The following NNT variants were observed in gnomAD, a reference collection of about 807,000 sequenced individuals.
NNT encodes the protein nicotinamide nucleotide transhydrogenase.
NNT carries 50 observed loss-of-function variants against 104.8 expected under a neutral mutation model. The ratio of observed to expected loss-of-function variants is 0.48; its 90% CI spans 0.38 to 0.60. NNT has a LOEUF of 0.60. NNT is among the 20% of genes least tolerant of loss of function. The pLI, the probability that NNT is intolerant of heterozygous loss-of-function variation, is 0.00. For missense variants in NNT, 1,131 were observed against 1,330.7 expected (o/e 0.85, Z 2.33); for synonymous variants, 461 against 490.4 (o/e 0.94, Z 0.79).
upstream of NNT, chr5:43,603,083 G>C (rs1235069599): frequency 6.5e-6 from 1 of 152,754 alleles, no homozygotes. Context: ...TCGGGTGGAG[G>C]GGGCCTGGCG....
rs746651421 is a variant in NNT at position 43,645,532 on chromosome 5, G to T, written c.1444+22G>T. On this transcript the variant is annotated intron_variant, in intron 10 of 21. Transcript: ENST00000344920. The stretch of plus-strand genomic sequence containing the variant: ...GCAGGTGAGGATACCATTTACCAGG[G>T]TTTAGTCTTGATTGTTTGATTTTGC... 1.1e-5 allele frequency: 16 copies of T among 1,442,154 alleles called. No homozygotes were observed. In the African/African-American group the frequency reaches 2.4e-4, roughly 21 times the overall value. 89.3% of individuals were successfully genotyped at this position (1,442,154 alleles called of 1,614,324 possible).
intron 16 of NNT, among the ~76,000 whole-genome samples, chr5:43,657,520 A>G (rs1036367203): frequency 6.6e-6 from 1 of 152,152 alleles, no homozygotes; most frequent in Non-Finnish European, 1.5e-5. Context: ...AGTTAAAAAA[A>G]TTATCTACAG....
At chr5:43,610,201 CTTTTTTTT>C (rs3054076) in intron 2 of NNT, among the ~76,000 whole-genome samples, 2 of 126,124 alleles carry the variant, frequency 1.6e-5, no homozygotes, top group South Asian at 2.7e-4. Context: ...AACTGTCTGT[CTTTTTTTT>C]TTTTTTTTTT....
intron 10 of NNT, among the ~76,000 whole-genome samples, chr5:43,648,940 G>C (rs554819333): frequency 6.6e-6 from 1 of 152,158 alleles, no homozygotes; most frequent in South Asian, 2.1e-4. Flanking sequence ...CTTATTTTGG[G>C]GGGGTGGTCA....
intron 17 of NNT, among the ~76,000 whole-genome samples, chr5:43,662,335 C>A (rs898143209): frequency 6.6e-6 from 1 of 152,116 alleles, no homozygotes; most frequent in South Asian, 2.1e-4. Context: ...GTACTCTCTT[C>A]TACGTGTTCT....
chr5:43,607,085 C>G (rs13187313), intron 1 of NNT, among the ~76,000 whole-genome samples: 5,185 of 151,808 alleles, frequency 0.034, 137 homozygotes, highest in East Asian at 0.13. Context: ...CTCACTGCAA[C>G]CTTTGCCTCC....
At position 43,650,549 on chromosome 5, in the gene NNT, C is replaced by T; in HGVS notation, c.1679C>T (p.Ala560Val). The change falls in exon 12 of 22, where the codon GCT (alanine) becomes GTT (valine). Residue 560 changes from alanine (A) to valine (V), a missense_variant. Coordinates refer to ENST00000344920, the MANE Select transcript of NNT (RefSeq NM_182977.3). ...CCTTCCACAACTTCTCAGGGCCTTGCTGCTCTTGCTGCATTCATATCCTCT... is the reference window on the plus strand; with the variant it reads ...CCTTCCACAACTTCTCAGGGCCTTGTTGCTCTTGCTGCATTCATATCCTCT... ...LYPSTTSQGL[A>V]ALAAFISSVN... 6.2e-7 allele frequency: 1 copy of T among 1,614,092 alleles called. No homozygotes were observed. Among genetic ancestry groups the T allele is most frequent in the Non-Finnish European group, 8.5e-7 (1 of 1,179,966 alleles).
intron 14 of NNT, among the ~76,000 whole-genome samples, chr5:43,655,391 A>G (rs1281713207): frequency 2.6e-5 from 4 of 152,216 alleles, no homozygotes; most frequent in Admixed American, 2.6e-4. Flanking sequence ...CCAAAATCCA[A>G]AACTTTTTGA....
At chr5:43,697,783 G>A (rs1415151967) in intron 19 of NNT, among the ~76,000 whole-genome samples, 1 of 152,160 alleles carries the variant, frequency 6.6e-6, no homozygotes, top group African/African-American at 2.4e-5. Flanking sequence ...GGCAAAAAAA[G>A]GAGAGCTTGT....
At chr5:43,626,527 C>T (rs968710882) in intron 6 of NNT, among the ~76,000 whole-genome samples, 4 of 151,948 alleles carry the variant, frequency 2.6e-5, no homozygotes, top group African/African-American at 7.2e-5. Flanking sequence ...ATTTTAAATG[C>T]TAATATGTTA....
intron 19 of NNT, among the ~76,000 whole-genome samples, chr5:43,685,209 A>G (rs1363960415): frequency 1.3e-5 from 2 of 152,170 alleles, no homozygotes; most frequent in Non-Finnish European, 2.9e-5. Context: ...TTAACAAATG[A>G]GCCTTCTTTT....
chr5:43,690,333 G>A (rs1482997965), intron 19 of NNT, among the ~76,000 whole-genome samples: 1 of 152,046 alleles, frequency 6.6e-6, no homozygotes, highest in Non-Finnish European at 1.5e-5. Context: ...ATTTGTGGTA[G>A]TTTGTTACAG....
chr5:43,628,557 TTAA>T (rs1389711373), intron 7 of NNT, among the ~76,000 whole-genome samples, 170 bp downstream of exon 7: 1 of 152,098 alleles, frequency 6.6e-6, no homozygotes, highest in African/African-American at 2.4e-5. Flanking sequence ...TTCATAGTCA[TTAA>T]TAATTTCCTT....
intron 21 of NNT, 78 bp downstream of exon 21, chr5:43,702,814 T>G (rs1029721831): frequency 8.5e-6 from 9 of 1,063,818 alleles, no homozygotes; most frequent in Non-Finnish European, 1.2e-5. Context: ...CTTTGATCAT[T>G]TGATAAGAAA....
chr5:43,666,173 T>A (rs967505793), intron 17 of NNT, among the ~76,000 whole-genome samples: 4 of 151,878 alleles, frequency 2.6e-5, no homozygotes, highest in African/African-American at 9.7e-5. Flanking sequence ...GAGACACTCC[T>A]CACTTCCTAG....
At chr5:43,618,215 T>C (rs1203311351) in intron 4 of NNT, among the ~76,000 whole-genome samples, 2 of 152,260 alleles carry the variant, frequency 1.3e-5, no homozygotes, top group South Asian at 2.1e-4. Flanking sequence ...ACAGGCTTTA[T>C]GCGAAGTGTT....
intron 5 of NNT, among the ~76,000 whole-genome samples, chr5:43,622,441 AT>A (rs1304599034): frequency 6.6e-6 from 1 of 151,826 alleles, no homozygotes; most frequent in Non-Finnish European, 1.5e-5. Flanking sequence ...TTTATTTCTT[AT>A]TTTTTAATAG....
intron 10 of NNT, 104 bp downstream of exon 10, chr5:43,645,614 G>C (rs1486880865): frequency 5.4e-5 from 20 of 368,026 alleles, no homozygotes; most frequent in Non-Finnish European, 7.7e-5. Context: ...CGTATATATA[G>C]ATATATATAC....
In NNT at chr5:43,659,295, T is replaced by C. The variant is rs1740227690; in HGVS notation, c.2579T>C (p.Ile860Thr). Residue 860 changes from isoleucine to threonine, a missense_variant, in exon 17 of 22, where the codon ATC becomes ACC. By Grantham distance (89) the Ile-to-Thr change is moderately conservative. Coordinates refer to ENST00000344920, the MANE Select transcript of NNT (RefSeq NM_182977.3). Reference protein sequence around the residue: ...GFLLNNNLLTIVGALIGSSGA... With the variant: ...GFLLNNNLLTTVGALIGSSGA... The stretch of plus-strand genomic sequence containing the variant: ...CTGCTCAACAACAATCTGCTGACCA[T>C]CGTGGGTGCACTCATAGGCTCGTCT... 6.2e-7 allele frequency: 1 copy of C among 1,613,890 alleles called. No individual in the cohort carries two copies. Among genetic ancestry groups the C allele is most frequent in the Non-Finnish European group, 8.5e-7 (1 of 1,180,018 alleles).
Sources: allele counts gnomAD v4.1 joint callset (sites outside exome capture counted in the v4.1 genomes callset), GRCh38; gene constraint gnomAD v4.1.1; transcripts MANE v1.5; gene names NCBI Gene and HGNC (gene_info 2026-07-23, HGNC 2026-07-21).